Variants in DIPK1B observed in about 807,000 individuals in gnomAD.
DIPK1B encodes divergent protein kinase domain 1B, also known as family with sequence similarity 69 member B.
Under a neutral mutation model 20.7 loss-of-function variants are expected in DIPK1B, and 17 were observed. That is an observed-to-expected ratio of 0.82 (90% confidence interval 0.56 to 1.23). DIPK1B has a LOEUF of 1.23. Among genes scored for constraint, DIPK1B ranks in the 50% most tolerant of loss-of-function variants. The pLI is 0.00. For synonymous variants in DIPK1B, 343 were observed against 276.5 expected (o/e 1.24, Z -2.39); for missense variants, 648 against 601.8 (o/e 1.08, Z -0.80).
intron 1 of DIPK1B, among the ~76,000 whole-genome samples, chr9:136,713,737 G>A (rs1827895273): frequency 6.6e-6 from 1 of 152,262 alleles, no homozygotes; most frequent in Middle Eastern, 3.2e-3. Flanking sequence ...CTCCGCCCAG[G>A]AATGGCAGCA....
chr9:136,722,221 C>T lies in DIPK1B; in HGVS notation c.403C>T (p.Arg135Trp), dbSNP rs547116910. 3.8e-5 allele frequency: 62 copies of T among 1,613,948 alleles called. No individual in the cohort carries two copies. Among genetic ancestry groups the T allele is most frequent in the Middle Eastern group, 1.6e-4 (1 of 6,062 alleles). The change falls in exon 4 of 5, where the codon CGG becomes TGG. Residue 135 changes from arginine (R) to tryptophan (W), a missense_variant. Transcript: ENST00000371692. The part of the protein sequence containing the change: ...SKARSDAAPR[R>W]ELVLFDKPTR... ...GGCCCGGTCGGATGCGGCCCCCCGGCGGGAGCTGGTACTGTTTGACAAGCC... is the reference window on the plus strand; with the variant it reads ...GGCCCGGTCGGATGCGGCCCCCCGGTGGGAGCTGGTACTGTTTGACAAGCC...
rs576846371 is a variant in DIPK1B at position 136,717,668 on chromosome 9, C to A, written c.155C>A (p.Ser52Tyr). Reference sequence around the variant, plus strand: ...TGGCTGGTGTACGTGCACTACTCGTCCTACTCGGAGCGCTGTCGCGGCCAT... The same window carrying A: ...TGGCTGGTGTACGTGCACTACTCGTACTACTCGGAGCGCTGTCGCGGCCAT... ...GSWLVYVHYS[S>Y]YSERCRGHVC... The change falls in exon 2 of 5, where the codon TCC (serine) becomes TAC (tyrosine). Residue 52 changes from serine (S) to tyrosine (Y), a missense_variant. Transcript: ENST00000371692. The A allele has an allele frequency of 6.2e-7, 1 of 1,610,088 alleles. No individual in the cohort carries two copies. The highest frequency in any genetic ancestry group is 8.5e-7 in the Non-Finnish European group (1 of 1,179,952).
chr9:136,723,771 TTGA>T lies in DIPK1B; in HGVS notation c.1296_*2del. 6.5e-7 allele frequency: 1 copy of T among 1,534,064 alleles called. No individual in the cohort carries two copies. Among genetic ancestry groups the T allele is most frequent in the Non-Finnish European group, 8.7e-7 (1 of 1,146,604 alleles). ...AGAAGATCTCCAACACCAAGTACTCTTGATGGGGCAGTGAGGGGCCTGGCCACC... is the reference window on the plus strand; with the variant it reads ...AGAAGATCTCCAACACCAAGTACTCTTGGGGCAGTGAGGGGCCTGGCCACC... On this transcript the variant is annotated stop_lost and inframe_deletion, in exon 5 of 5. Coordinates refer to ENST00000371692, the MANE Select transcript of DIPK1B (RefSeq NM_152421.4).
Position 136,723,412 on chromosome 9 carries a change from A to G in DIPK1B, c.934A>G (p.Lys312Glu). ...GGGCTACACAGCCACCTACGACTTC[A>G]AGATGGCCGACCTGCAGCAGGTGGC... ...NVGYTATYDF[K>E]MADLQQVAPE... Residue 312 changes from lysine to glutamate, a missense_variant, in exon 5 of 5, where the codon AAG becomes GAG. Coordinates refer to ENST00000371692, the MANE Select transcript of DIPK1B (RefSeq NM_152421.4). 1 of 1,612,686 alleles carries G rather than the reference A, an allele frequency of 6.2e-7. No homozygotes were observed. The highest frequency in any genetic ancestry group is 8.5e-7 in the Non-Finnish European group (1 of 1,179,566).
At chr9:136,720,779 G>A (rs1006270325) in intron 2 of DIPK1B, 8 of 152,348 alleles carry the variant, frequency 5.3e-5, no homozygotes, top group African/African-American at 1.9e-4. Flanking sequence ...GCTGGGAGAG[G>A]AGGTAGAGGC....
Position 136,722,268 on chromosome 9 carries a change from G to T in DIPK1B, c.450G>T (p.Lys150Asn). ...AGCCCACCCGGGGCACCTCCATCAAGGAATTCCGGGAGATGACCCTCAGCT... is the reference window on the plus strand; with the variant it reads ...AGCCCACCCGGGGCACCTCCATCAATGAATTCCGGGAGATGACCCTCAGCT... ...FDKPTRGTSI[K>N]EFREMTLSFL... is the part of the protein sequence containing the mutation. The change falls in exon 4 of 5, where the codon AAG (lysine) becomes AAT (asparagine). Residue 150 changes from lysine (K) to asparagine (N), a missense_variant. Lys to Asn is a moderately conservative substitution (Grantham distance 94). Transcript: ENST00000371692. The T allele has an allele frequency of 1.9e-6, 3 of 1,613,742 alleles. No individual in the cohort carries two copies. The highest frequency in any genetic ancestry group is 2.5e-6 in the Non-Finnish European group (3 of 1,179,918).
At chr9:136,716,297 C>A (rs1201202066) in intron 1 of DIPK1B, among the ~76,000 whole-genome samples, 4 of 132,890 alleles carry the variant, frequency 3.0e-5, no homozygotes, top group Admixed American at 8.4e-5. Flanking sequence ...GAGACAGGGT[C>A]TCGCTTTCTC....
rs7041513 is a variant in DIPK1B, at chr9:136,723,533, G to A, written c.1055G>A (p.Arg352Lys). 1,634 of 1,599,848 alleles carry A rather than the reference G, an allele frequency of 1.0e-3. 19 individuals carry two copies. In the African/African-American group the frequency reaches 0.019, roughly 18 times the overall value. The change falls in exon 5 of 5, where the codon AGG (arginine) becomes AAG (lysine). Residue 352 changes from arginine to lysine, a missense_variant. By Grantham distance (26) the Arg-to-Lys change is conservative. Coordinates refer to ENST00000371692, the MANE Select transcript of DIPK1B (RefSeq NM_152421.4). ...CGCGACTGCAGGGCCCCGTGTGACAGGCTCATGAGGCAGTGCAAGGGCGAC... is the reference window on the plus strand; with the variant it reads ...CGCGACTGCAGGGCCCCGTGTGACAAGCTCATGAGGCAGTGCAAGGGCGAC... Reference protein sequence around the residue: ...YGRDCRAPCDRLMRQCKGDLI... With the variant: ...YGRDCRAPCDKLMRQCKGDLI...
chr9:136,712,848 C>A lies in DIPK1B; in HGVS notation c.63+120C>A. On this transcript the variant is annotated intron_variant, in intron 1 of 4. Coordinates refer to ENST00000371692, the MANE Select transcript of DIPK1B (RefSeq NM_152421.4). This position sits in a 1 kb window ranked among gnomAD's most constrained non-coding sequence, Gnocchi z 5.6. ...GGTTCGGACACGAAGGGTTCATGAG[C>A]CCGGGGTGGGCAGCGGGGAGGGGGC... 1.9e-6 allele frequency: 1 copy of A among 535,966 alleles called. No individual in the cohort carries two copies. Among genetic ancestry groups the A allele is most frequent in the South Asian group, 7.7e-5 (1 of 13,008 alleles). 33.2% of individuals were successfully genotyped at this position (535,966 alleles called of 1,614,324 possible).
In DIPK1B at chr9:136,724,151, C is replaced by T. The variant is rs899688015; in HGVS notation, c.*377C>T. 4 of 252,952 alleles carry T rather than the reference C, an allele frequency of 1.6e-5. No homozygotes were observed. The highest frequency in any genetic ancestry group is 3.1e-5 in the Non-Finnish European group (4 of 128,714). The allele number at this position is 252,952 out of a possible 1,614,324, so 15.7% of individuals were successfully genotyped here. A position where few individuals can be genotyped will look rare whatever the true frequency, so the allele number is the denominator to read the frequency against. ...GCTGGGGTTGAGCCCCTGAATCCTTCCTGGCGAGGCAGCCCTCAGGTGTTA... is the reference window on the plus strand; with the variant it reads ...GCTGGGGTTGAGCCCCTGAATCCTTTCTGGCGAGGCAGCCCTCAGGTGTTA... On this transcript the variant is annotated 3_prime_UTR_variant, in exon 5 of 5. Transcript: ENST00000371692.
chr9:136,713,455 T>A (rs1846454063), intron 1 of DIPK1B, among the ~76,000 whole-genome samples: 1 of 152,342 alleles, frequency 6.6e-6, no homozygotes, highest in Admixed American at 6.5e-5. Flanking sequence ...GGAGGAACCC[T>A]GCCTGCGTCC....
In DIPK1B at chr9:136,722,877, C is replaced by T. The variant is rs573405902; in HGVS notation, c.484-85C>T. On this transcript the variant is annotated intron_variant, in intron 4 of 4. Coordinates refer to ENST00000371692, the MANE Select transcript of DIPK1B (RefSeq NM_152421.4). Reference sequence around the variant, plus strand: ...TGCTGGTCTGGCCGGCAGACCACCCCGCCAGGAGGACCAGGTAAAGGCCAG... The same window carrying T: ...TGCTGGTCTGGCCGGCAGACCACCCTGCCAGGAGGACCAGGTAAAGGCCAG... The T allele has an allele frequency of 1.1e-4, 156 of 1,394,160 alleles. 1 individual carries two copies. In the Admixed American group the frequency reaches 3.5e-3, roughly 32 times the overall value. 86.4% of individuals were successfully genotyped at this position (1,394,160 alleles called of 1,614,324 possible).
intron 2 of DIPK1B, among the ~76,000 whole-genome samples, chr9:136,719,883 G>T (rs13290913): frequency 6.0e-5 from 9 of 151,094 alleles, no homozygotes; most frequent in East Asian, 2.0e-4. Context: ...GGCTCCGGGC[G>T]CAGGGGCTGT....
chr9:136,722,143 C>A lies in DIPK1B; in HGVS notation c.325C>A (p.Arg109=), dbSNP rs769310193. 9.9e-6 allele frequency: 16 copies of A among 1,613,906 alleles called. No homozygotes were observed. Among genetic ancestry groups the A allele is most frequent in the Non-Finnish European group, 1.3e-5 (15 of 1,179,956 alleles). The change falls in exon 4 of 5, where the codon CGG becomes AGG. Residue 109 remains arginine (R), a synonymous_variant. Transcript: ENST00000371692. The part of the protein sequence containing the change: ...PGQQVYSGLW[R]DKDVTIKCGI... ...TGTCCAGGTGTACAGCGGGCTCTGG[C>A]GGGACAAGGATGTAACCATCAAGTG...
At chr9:136,722,785 C>T (rs1281666878) in intron 4 of DIPK1B, 177 bp from the exon 5 acceptor site, 2 of 631,234 alleles carry the variant, frequency 3.2e-6, no homozygotes, top group African/African-American at 2.1e-5. Context: ...GCAGAGTGAG[C>T]TGACACATTG....
chr9:136,718,447 C>CA lies in DIPK1B; in HGVS notation c.198+736_198+737insA, dbSNP rs1846537138. On this transcript the variant is annotated intron_variant, in intron 2 of 4. Transcript: ENST00000371692. Reference sequence around the variant, plus strand: ...TGTGTGTGTCTGGGAGCAAACGTGTCCACATGAGTGCACACCAAGGTGACC... The same window carrying CA: ...TGTGTGTGTCTGGGAGCAAACGTGTCACACATGAGTGCACACCAAGGTGACC... 2.0e-5 allele frequency among the ~76,000 whole-genome samples: 3 copies of CA among 152,240 alleles called. No individual in the cohort carries two copies. The South Asian group carries it at 6.2e-4, about 32-fold the overall frequency.
rs1309636629 is a variant in DIPK1B at position 136,722,239 on chromosome 9, G to C, written c.421G>C (p.Asp141His). 3 of 1,613,820 alleles carry C rather than the reference G, an allele frequency of 1.9e-6. No homozygotes were observed. Among genetic ancestry groups the C allele is most frequent in the African/African-American group, 1.3e-5 (1 of 74,918 alleles). Residue 141 changes from aspartate to histidine, a missense_variant, in exon 4 of 5, where the codon GAC (aspartate) becomes CAC (histidine). Transcript: ENST00000371692. ...AAPRRELVLFDKPTRGTSIKE... is the reference protein window; with the variant it reads ...AAPRRELVLFHKPTRGTSIKE... ...CCCCCGGCGGGAGCTGGTACTGTTT[G>C]ACAAGCCCACCCGGGGCACCTCCAT...
rs1231529775 is a variant in DIPK1B, at chr9:136,724,739, A to G, written c.*965A>G. ...ATAGATTTTCCCCTTGGGGGGGAAA[A>G]GAATTCAGGGTCTTAGGTTCCAGGC... On this transcript the variant is annotated 3_prime_UTR_variant, in exon 5 of 5. Coordinates refer to ENST00000371692, the MANE Select transcript of DIPK1B (RefSeq NM_152421.4). 2 of 152,244 alleles carry G rather than the reference A, an allele frequency of 1.3e-5. No individual in the cohort carries two copies. Among genetic ancestry groups the G allele is most frequent in the Non-Finnish European group, 2.9e-5 (2 of 68,046 alleles). The allele number at this position is 152,244 out of a possible 1,614,324, so 9.4% of individuals were successfully genotyped here.
chr9:136,721,654 C>G, intron 2 of DIPK1B: 2 of 471,456 alleles, frequency 4.2e-6, no homozygotes, highest in Non-Finnish European at 7.8e-6. Context: ...CAGGCAGTGG[C>G]CTTTGCTGTG....
Sources: allele counts gnomAD v4.1 joint callset (sites outside exome capture counted in the v4.1 genomes callset), GRCh38; gene constraint gnomAD v4.1.1; non-coding constraint Gnocchi (gnomAD v3.1); transcripts MANE v1.5; gene names NCBI Gene and HGNC (gene_info 2026-07-23, HGNC 2026-07-21).